The following ZNF276 variants were observed in gnomAD, a reference collection of about 807,000 sequenced individuals.
ZNF276 encodes the protein zinc finger protein 276, also known as centromere protein Z.
In ZNF276, 59 loss-of-function variants were observed where a neutral mutation model predicts 63.9. The observed-to-expected ratio is 0.92, with a 90% CI of 0.75 to 1.15. The LOEUF is 1.15. Ranked by LOEUF, ZNF276 falls within the 50% of genes most tolerant of loss-of-function variation. The pLI is 0.00. For synonymous variants in ZNF276, 496 were observed against 348.4 expected, an observed-to-expected ratio of 1.42 and a Z score of -4.72; for missense variants, 1,084 against 843.8, an observed-to-expected ratio of 1.28 and a Z score of -3.53.
intron 4 of ZNF276, among the ~76,000 whole-genome samples, chr16:89,723,974 A>C (rs16965990): frequency 0.027 from 4,144 of 152,294 alleles, 201 homozygotes; most frequent in African/African-American, 0.095. Context: ...TCAGCCGTCG[A>C]GTCTTTTTCT....
At chr16:89,736,454 A>T (rs2061895890) in intron 9 of ZNF276, among the ~76,000 whole-genome samples, 1 of 151,606 alleles carries the variant, frequency 6.6e-6, no homozygotes, top group South Asian at 2.1e-4. Flanking sequence ...CCTCCCGAGT[A>T]GCTGGGACTA....
rs539007795 is a variant in ZNF276 at position 89,723,618 on chromosome 16, G to A, written c.915G>A (p.Thr305=). The A allele has an allele frequency of 2.2e-5, 36 of 1,612,790 alleles. No homozygotes were observed. In the African/African-American group the frequency reaches 3.2e-4, roughly 14 times the overall value. The change falls in exon 4 of 11, where the codon ACG becomes ACA. Residue 305 remains threonine, a synonymous_variant. Transcript: ENST00000443381. ...VGAETKTLPS[T]DVAQPPSDSD... is the part of the protein sequence containing the mutation. Reference sequence around the variant, plus strand: ...CTGAGACCAAGACCCTGCCCAGCACGGATGTGGCCCAGCCTCCTTCGGACA... The same window carrying A: ...CTGAGACCAAGACCCTGCCCAGCACAGATGTGGCCCAGCCTCCTTCGGACA...
chr16:89,721,495 G>A (rs954103899), upstream of ZNF276: 12 of 610,926 alleles, frequency 2.0e-5, no homozygotes, highest in Admixed American at 4.4e-5. Flanking sequence ...CCCCTGGCCC[G>A]CCCCGCCCGC....
Position 89,739,309 on chromosome 16 carries a change from G to T in ZNF276, c.*1063G>T. 1.2e-6 allele frequency: 2 copies of T among 1,614,052 alleles called. No homozygotes were observed. Among genetic ancestry groups the T allele is most frequent in the South Asian group, 1.1e-5 (1 of 91,052 alleles). On this transcript the variant is annotated 3_prime_UTR_variant, in exon 11 of 11. Transcript: ENST00000443381. The stretch of plus-strand genomic sequence containing the variant: ...AGAAGACTAGAGGTAAAGACATAGT[G>T]ACAAATGGCTACAGACTGCTGGAAA...
chr16:89,739,848 G>A lies in ZNF276; in HGVS notation c.*1602G>A. The A allele has an allele frequency of 6.6e-7, 1 of 1,513,854 alleles. No homozygotes were observed. The highest frequency in any genetic ancestry group is 1.4e-5 in the African/African-American group (1 of 72,480). The allele number at this position is 1,513,854 out of a possible 1,614,324, so 93.8% of individuals were successfully genotyped here. A position where few individuals can be genotyped will look rare whatever the true frequency, so the allele number is the denominator to read the frequency against. ...TAAATTATCTTATTGCTTTAAACAA[G>A]TTTGTGCTTAATCTGTCCCAACTAA... On this transcript the variant is annotated 3_prime_UTR_variant, in exon 11 of 11. Coordinates refer to ENST00000443381, the MANE Select transcript of ZNF276 (RefSeq NM_001113525.2).
chr16:89,738,024 C>T lies in ZNF276; in HGVS notation c.1623C>T (p.Tyr541=). The part of the protein sequence containing the change: ...FQCRQRASLK[Y]HMTKHKAETE... ...GCAGGCAGCGGGCATCCCTCAAGTA[C>T]CACATGACCAAACACAAGGCTGAGA... Residue 541 remains tyrosine (Y), a synonymous_variant, in exon 11 of 11, where the codon TAC becomes TAT. Coordinates refer to ENST00000443381, the MANE Select transcript of ZNF276 (RefSeq NM_001113525.2). 1.2e-6 allele frequency: 2 copies of T among 1,614,154 alleles called. No homozygotes were observed. The highest frequency in any genetic ancestry group is 1.1e-5 in the South Asian group (1 of 91,088).
rs973610903 is a variant in ZNF276 at position 89,740,474 on chromosome 16, A to G, written c.*2228A>G. On this transcript the variant is annotated 3_prime_UTR_variant, in exon 11 of 11. Transcript: ENST00000443381. ...ATATGGTGAAACCCCGTCTCTACTA[A>G]AAATACAAAAATTAGCCGGGTGTGA... is the stretch of plus-strand genomic sequence containing the variant. The G allele has an allele frequency of 8.7e-6, 4 of 462,030 alleles. No homozygotes were observed. The highest frequency in any genetic ancestry group is 1.6e-5 in the Non-Finnish European group (4 of 255,176). The allele number at this position is 462,030 out of a possible 1,614,324, so 28.6% of individuals were successfully genotyped here. A position where few individuals can be genotyped will look rare whatever the true frequency, so the allele number is the denominator to read the frequency against.
In ZNF276 at chr16:89,727,262, T is replaced by C; in HGVS notation, c.1007-17T>C. On this transcript the variant is annotated splice_polypyrimidine_tract_variant and intron_variant, in intron 4 of 10. Coordinates refer to ENST00000443381, the MANE Select transcript of ZNF276 (RefSeq NM_001113525.2). ...TGCTCCGTGTTGGTAACAGGAGCCT[T>C]GTTCTTTGTTTCTCAGGGCAGTTGG... The C allele has an allele frequency of 6.2e-7, 1 of 1,613,798 alleles. No individual in the cohort carries two copies. The highest frequency in any genetic ancestry group is 8.5e-7 in the Non-Finnish European group (1 of 1,179,722).
rs2061359279 is a variant in ZNF276 at position 89,723,150 on chromosome 16, C to T, written c.523C>T (p.Pro175Ser). The T allele has an allele frequency of 6.2e-7, 1 of 1,613,200 alleles. No homozygotes were observed. The highest frequency in any genetic ancestry group is 8.5e-7 in the Non-Finnish European group (1 of 1,180,034). ...GATCCTTTGCAGGGTCGGTGCCCAG[C>T]CCCCAACAGGGGCAGAGGAGGGAGC... is the stretch of plus-strand genomic sequence containing the variant. ...RKPCAKVGAQ[P>S]PTGAEEGACL... The change falls in exon 3 of 11, where the codon CCC (proline) becomes TCC (serine). Residue 175 changes from proline to serine, a missense_variant. Physicochemically the swap from Pro to Ser is moderately conservative, Grantham distance 74. Coordinates refer to ENST00000443381, the MANE Select transcript of ZNF276 (RefSeq NM_001113525.2).
chr16:89,723,741 G>A, intron 4 of ZNF276, 32 bp downstream of exon 4: 3 of 1,587,938 alleles, frequency 1.9e-6, no homozygotes, highest in Non-Finnish European at 2.6e-6. Context: ...TGCTAGACCA[G>A]GATGTGTGCT....
At position 89,721,597 on chromosome 16, in the gene ZNF276, G is replaced by A. The variant is rs1033358187; in HGVS notation, c.-44G>A. 193 of 1,467,744 alleles carry A rather than the reference G, an allele frequency of 1.3e-4. No homozygotes were observed. The highest frequency in any genetic ancestry group is 1.6e-4 in the Non-Finnish European group (180 of 1,114,368). 90.9% of individuals were successfully genotyped at this position (1,467,744 alleles called of 1,614,324 possible). ...AACGCCGGGTCCTCTAGGAACCTCGGGCCGGGCAGCACCCGCGGGATTCTG... is the reference window on the plus strand; with the variant it reads ...AACGCCGGGTCCTCTAGGAACCTCGAGCCGGGCAGCACCCGCGGGATTCTG... On this transcript the variant is annotated 5_prime_UTR_variant, in exon 1 of 11. Coordinates refer to ENST00000443381, the MANE Select transcript of ZNF276 (RefSeq NM_001113525.2).
chr16:89,734,819 A>G (rs112989086), intron 9 of ZNF276, among the ~76,000 whole-genome samples: 13 of 152,286 alleles, frequency 8.5e-5, no homozygotes, highest in Admixed American at 2.6e-4. Context: ...CACAATTTCT[A>G]TAATGCACAA....
intron 4 of ZNF276, among the ~76,000 whole-genome samples, chr16:89,724,916 C>G (rs1026388776): frequency 6.6e-6 from 1 of 152,112 alleles, no homozygotes; most frequent in Non-Finnish European, 1.5e-5. Flanking sequence ...ACCTATTTAT[C>G]TATTTATTTA....
chr16:89,731,631 C>G (rs908717523), intron 6 of ZNF276: 1 of 152,292 alleles, frequency 6.6e-6, no homozygotes, highest in Non-Finnish European at 1.5e-5. Context: ...CTGGCACGAT[C>G]ATGGCTGACT....
At chr16:89,726,773 G>A (rs781187933) in intron 4 of ZNF276, among the ~76,000 whole-genome samples, 79 of 152,094 alleles carry the variant, frequency 5.2e-4, no homozygotes, top group Non-Finnish European at 9.9e-4. Context: ...AGCCTCCCAG[G>A]TAGCTGGGAT....
chr16:89,728,649 G>T (rs555618290), intron 5 of ZNF276, among the ~76,000 whole-genome samples: 16 of 152,044 alleles, frequency 1.1e-4, no homozygotes, highest in Admixed American at 3.3e-4. Flanking sequence ...TGATCCGCCC[G>T]CCTCTGCCTC....
chr16:89,738,123 C>G lies in ZNF276; in HGVS notation c.1722C>G (p.Ser574=). 6.2e-7 allele frequency: 1 copy of G among 1,613,816 alleles called. No homozygotes were observed. The highest frequency in any genetic ancestry group is 8.5e-7 in the Non-Finnish European group (1 of 1,180,026). ...EKAHNLNVHM[S]MVHPLTQTQD... ...CCCACAACCTCAATGTACACATGTCCATGGTGCACCCGCTGACACAGACCC... is the reference window on the plus strand; with the variant it reads ...CCCACAACCTCAATGTACACATGTCGATGGTGCACCCGCTGACACAGACCC... Residue 574 remains serine (S), a synonymous_variant, in exon 11 of 11, where the codon TCC becomes TCG. Coordinates refer to ENST00000443381, the MANE Select transcript of ZNF276 (RefSeq NM_001113525.2).
At position 89,738,887 on chromosome 16, in the gene ZNF276, C is replaced by G; in HGVS notation, c.*641C>G. On this transcript the variant is annotated 3_prime_UTR_variant, in exon 11 of 11. Coordinates refer to ENST00000443381, the MANE Select transcript of ZNF276 (RefSeq NM_001113525.2). ...GGTGGGCATCTTGACGTTACCTCTG[C>G]CACGTGTGAGAAGCTCTTTTTCGGG... 6.2e-7 allele frequency: 1 copy of G among 1,614,248 alleles called. No homozygotes were observed. Among genetic ancestry groups the G allele is most frequent in the Non-Finnish European group, 8.5e-7 (1 of 1,180,046 alleles).
At chr16:89,730,766 T>C (rs1479967647) in intron 6 of ZNF276, among the ~76,000 whole-genome samples, 1 of 151,990 alleles carries the variant, frequency 6.6e-6, no homozygotes, top group East Asian at 1.9e-4. Context: ...GAGACCCCCC[T>C]GGGAACCCAG....
Sources: allele counts gnomAD v4.1 joint callset (sites outside exome capture counted in the v4.1 genomes callset), GRCh38; gene constraint gnomAD v4.1.1; transcripts MANE v1.5; gene names NCBI Gene and HGNC (gene_info 2026-07-23, HGNC 2026-07-21).